LINGO2: variants seen among roughly 807,000 people sequenced by gnomAD.
LINGO2 encodes the protein leucine-rich repeat and immunoglobulin-like domain-containing nogo receptor-interacting protein 2.
A neutral mutation model predicts 30.6 loss-of-function variants in LINGO2; 14 were observed. The ratio of observed to expected loss-of-function variants is 0.46; its 90% CI spans 0.30 to 0.72. The LOEUF is 0.72. Among genes scored for constraint, LINGO2 ranks in the 30% least tolerant of loss-of-function variants. LINGO2 has a pLI of 0.07. For missense variants in LINGO2, 729 were observed against 751.7 expected (o/e 0.97, Z 0.35); for synonymous variants, 317 against 288.5 (o/e 1.10, Z -1.00).
chr9:28,643,804 C>T (rs1302085273), intron 1 of LINGO2, among the ~76,000 whole-genome samples: 1 of 151,796 alleles, frequency 6.6e-6, no homozygotes, highest in Non-Finnish European at 1.5e-5. Flanking sequence ...GAAACAATAA[C>T]CAGAAATATA....
the LINGO2 span, among the ~76,000 whole-genome samples, chr9:29,057,899 A>T: frequency 6.6e-6 from 1 of 152,084 alleles, no homozygotes; most frequent in Non-Finnish European, 1.5e-5. Context: ...CGCCTAAAGA[A>T]CGCTATATCT....
At chr9:28,275,644 G>C (rs904788555) in intron 4 of LINGO2, among the ~76,000 whole-genome samples, 2 of 152,094 alleles carry the variant, frequency 1.3e-5, no homozygotes, top group African/African-American at 4.8e-5. Flanking sequence ...AAACACTTAA[G>C]TATATGCAGT....
At chr9:28,926,459 C>T in the LINGO2 span, among the ~76,000 whole-genome samples, 1 of 152,146 alleles carries the variant, frequency 6.6e-6, no homozygotes, top group Non-Finnish European at 1.5e-5. Context: ...TACTCCATCA[C>T]CTCAATTAAC....
intron 3 of LINGO2, among the ~76,000 whole-genome samples, chr9:28,312,923 A>C (rs1824688434): frequency 1.3e-5 from 2 of 152,196 alleles, no homozygotes; most frequent in African/African-American, 4.8e-5. Flanking sequence ...ACCCAAGGGT[A>C]GTTATTTATT....
the LINGO2 span, among the ~76,000 whole-genome samples, chr9:29,122,046 A>G: frequency 6.6e-6 from 1 of 152,106 alleles, no homozygotes; most frequent in Non-Finnish European, 1.5e-5. Context: ...GAGGAGGGTC[A>G]ATGTTTCTGT....
the LINGO2 span, among the ~76,000 whole-genome samples, chr9:28,716,207 T>A: frequency 6.6e-6 from 1 of 151,760 alleles, no homozygotes; most frequent in Non-Finnish European, 1.5e-5. Flanking sequence ...AGCAATGCGA[T>A]GGCTCCTTCC....
chr9:28,367,288 C>T (rs1421753027), intron 3 of LINGO2, among the ~76,000 whole-genome samples: 1 of 152,124 alleles, frequency 6.6e-6, no homozygotes, highest in African/African-American at 2.4e-5. Context: ...TGAACATCTT[C>T]TCTTAATATG....
At chr9:28,894,941 T>C in the LINGO2 span, among the ~76,000 whole-genome samples, 1 of 152,096 alleles carries the variant, frequency 6.6e-6, no homozygotes, top group East Asian at 1.9e-4. Flanking sequence ...ATACAATAGA[T>C]GTAAACTTAT....
chr9:28,744,632 G>A, the LINGO2 span, among the ~76,000 whole-genome samples: 217 of 142,952 alleles, frequency 1.5e-3, 5 homozygotes, highest in East Asian at 0.035. Flanking sequence ...GTGTGTGTGT[G>A]TGTGTGTATT....
At chr9:29,105,193 C>T in the LINGO2 span, among the ~76,000 whole-genome samples, 39 of 152,132 alleles carry the variant, frequency 2.6e-4, no homozygotes, top group Non-Finnish European at 3.8e-4. Context: ...AGAGGAGATG[C>T]TGTATTACAA....
the LINGO2 span, among the ~76,000 whole-genome samples, chr9:29,181,813 T>TA: frequency 6.6e-6 from 1 of 151,714 alleles, no homozygotes; most frequent in Non-Finnish European, 1.5e-5. Flanking sequence ...CTCTGAGTAT[T>TA]AAAAAAAAGG....
chr9:28,215,721 C>T (rs1029798940), intron 4 of LINGO2, among the ~76,000 whole-genome samples: 1 of 151,696 alleles, frequency 6.6e-6, no homozygotes, highest in Admixed American at 6.6e-5. Context: ...TATGGCAGCA[C>T]ATAAAATACG....
At chr9:28,883,828 C>A in the LINGO2 span, among the ~76,000 whole-genome samples, 1 of 150,234 alleles carries the variant, frequency 6.7e-6, no homozygotes, top group Non-Finnish European at 1.5e-5. Flanking sequence ...CAGACATGCG[C>A]CACCACACCC....
At chr9:29,195,555 T>G in the LINGO2 span, among the ~76,000 whole-genome samples, 1 of 152,134 alleles carries the variant, frequency 6.6e-6, no homozygotes. Context: ...CCAATTTACA[T>G]TCTCACCAAC....
At chr9:28,567,698 A>G (rs1269078681) in intron 1 of LINGO2, among the ~76,000 whole-genome samples, 2 of 152,042 alleles carry the variant, frequency 1.3e-5, no homozygotes, top group East Asian at 1.9e-4. Flanking sequence ...TTTCGGTACT[A>G]TGTTCCTATT....
chr9:28,506,509 T>C (rs1157511199), intron 1 of LINGO2, among the ~76,000 whole-genome samples: 1 of 127,486 alleles, frequency 7.8e-6, no homozygotes, highest in African/African-American at 2.8e-5. Flanking sequence ...CACAGACATA[T>C]ATATATATAT....
intron 1 of LINGO2, among the ~76,000 whole-genome samples, chr9:28,604,709 A>G (rs1416203817): frequency 6.6e-6 from 1 of 152,042 alleles, no homozygotes; most frequent in African/African-American, 2.4e-5. Context: ...CTTTGAAATA[A>G]GCATTTCTAA....
intron 3 of LINGO2, among the ~76,000 whole-genome samples, chr9:28,368,167 A>AT (rs1564154309): frequency 6.6e-6 from 1 of 151,742 alleles, no homozygotes; most frequent in Non-Finnish European, 1.5e-5. Context: ...TACACCCTGC[A>AT]TTGTCTTATT....
intron 4 of LINGO2, among the ~76,000 whole-genome samples, chr9:28,044,993 T>C (rs1012434664): frequency 6.6e-6 from 1 of 152,030 alleles, no homozygotes; most frequent in African/African-American, 2.4e-5. Flanking sequence ...CCATGTGCAT[T>C]TCGTAATCCC....
Sources: allele counts gnomAD v4.1 joint callset (sites outside exome capture counted in the v4.1 genomes callset), GRCh38; gene constraint gnomAD v4.1.1; transcripts MANE v1.5; gene names NCBI Gene and HGNC (gene_info 2026-07-23, HGNC 2026-07-21).